PNMA6F: variants seen among roughly 807,000 people sequenced by gnomAD.
PNMA6F encodes the protein PNMA family member 6F.
For missense variants in PNMA6F, 57 were observed against 10.8 expected (o/e 5.25, Z -5.98); for synonymous variants, 14 against 3.4 (o/e 4.15, Z -3.45).
In PNMA6F at chrX:153,319,630, C is replaced by A; in HGVS notation, c.1045G>T (p.Gly349Trp). The A allele has an allele frequency of 3.4e-6, 1 of 298,381 alleles. No homozygotes were observed. The highest frequency in any genetic ancestry group is 4.7e-5 in the East Asian group (1 of 21,074). 24.6% of individuals were successfully genotyped at this position (298,381 alleles called of 1,213,427 possible). A position where few individuals can be genotyped will look rare whatever the true frequency, so the allele number is the denominator to read the frequency against. Residue 349 changes from glycine (G) to tryptophan (W), a missense_variant, in exon 2 of 2, where the codon GGG becomes TGG. By Grantham distance (184) the Gly-to-Trp change is radical (BLOSUM62 -2). Transcript: ENST00000436629. ...AAGGCAAACAGCCCCTCCTGGGGCC[C>A]CTGCGTGCAGGTCAGGAACTTCATC... ...SRMKFLTCTQ[G>W]PQEGLFAFVV...
In PNMA6F at chrX:153,317,939, A is replaced by C. The variant is rs1465171316; in HGVS notation, c.*999T>G. Reference sequence around the variant, plus strand: ...AGGATGGTGGACTCTGGCAGTGTCCACTGGCTTCAGGGAGCCCCCTCCCGA... The same window carrying C: ...AGGATGGTGGACTCTGGCAGTGTCCCCTGGCTTCAGGGAGCCCCCTCCCGA... On this transcript the variant is annotated 3_prime_UTR_variant, in exon 2 of 2. Coordinates refer to ENST00000436629, the MANE Select transcript of PNMA6F (RefSeq NM_001354980.2). 1.8e-5 allele frequency: 2 copies of C among 111,983 alleles called. No individual in the cohort carries two copies. The highest frequency in any genetic ancestry group is 6.7e-5 in the African/African-American group (2 of 29,833). The allele number at this position is 111,983 out of a possible 1,213,427, so 9.2% of individuals were successfully genotyped here.
chrX:153,320,408 G>T lies in PNMA6F; in HGVS notation c.267C>A (p.Ser89=), dbSNP rs2051988297. 3.4e-6 allele frequency: 1 copy of T among 297,188 alleles called. No homozygotes were observed. The highest frequency in any genetic ancestry group is 2.7e-5 in the African/African-American group (1 of 36,542). 24.5% of individuals were successfully genotyped at this position (297,188 alleles called of 1,213,427 possible). A position where few individuals can be genotyped will look rare whatever the true frequency, so the allele number is the denominator to read the frequency against. The change falls in exon 2 of 2, where the codon TCC becomes TCA. Residue 89 remains serine, a synonymous_variant. Transcript: ENST00000436629. The part of the protein sequence containing the change: ...AGKGGPWKVI[S]LPQALDAEFQ... The stretch of plus-strand genomic sequence containing the variant: ...ACTCAGCATCAAGGGCCTGGGGCAG[G>T]GAGATCACTTTCCAGGGTCCCCCTT...
In PNMA6F at chrX:153,320,610, A is replaced by T. The variant is rs2051989489; in HGVS notation, c.65T>A (p.Ile22Asn). ...NAERSLLILD[I>N]PDDCEEHEFQ... is the part of the protein sequence containing the mutation. ...CTCATGTTCCTCGCAGTCGTCAGGG[A>T]TATCCAGGATGAGCAGAGAGCGCTC... Residue 22 changes from isoleucine (I) to asparagine (N), a missense_variant, in exon 2 of 2, where the codon ATC (isoleucine) becomes AAC (asparagine). Transcript: ENST00000436629. The T allele has an allele frequency of 1.4e-5, 4 of 295,563 alleles. No homozygotes were observed. The highest frequency in any genetic ancestry group is 6.1e-5 in the Admixed American group (1 of 16,283). The allele number at this position is 295,563 out of a possible 1,213,427, so 24.4% of individuals were successfully genotyped here.
intron 1 of PNMA6F, 52 bp downstream of exon 1, chrX:153,321,500 A>AC (rs1483489164): frequency 3.0e-5 from 3 of 101,061 alleles, no homozygotes; most frequent in African/African-American, 1.1e-4. Context: ...GCGATCTGGC[A>AC]CCTGCCCAGG....
At chrX:153,320,951 T>C (rs1409422212) in intron 1 of PNMA6F, among the ~76,000 whole-genome samples, 194 bp from the exon 2 acceptor site, 2 of 107,622 alleles carry the variant, frequency 1.9e-5, no homozygotes, top group African/African-American at 6.8e-5. Context: ...ACCACCTCTA[T>C]TGGGAGATCC....
In PNMA6F at chrX:153,321,584, G is replaced by A. The variant is rs1008591890; in HGVS notation, c.-116C>T. On this transcript the variant is annotated 5_prime_UTR_variant, in exon 1 of 2. Coordinates refer to ENST00000436629, the MANE Select transcript of PNMA6F (RefSeq NM_001354980.2). The stretch of plus-strand genomic sequence containing the variant: ...GACTCTGCGGACGCTGCGACCACCC[G>A]CGGAAAAACGCCGCCTTCAAGCTGT... 14 of 106,434 alleles carry A rather than the reference G, an allele frequency of 1.3e-4. No individual in the cohort carries two copies. Among genetic ancestry groups the A allele is most frequent in the Non-Finnish European group, 1.9e-5 (1 of 51,622 alleles). The allele number at this position is 106,434 out of a possible 1,213,427, so 8.8% of individuals were successfully genotyped here. A position where few individuals can be genotyped will look rare whatever the true frequency, so the allele number is the denominator to read the frequency against.
In PNMA6F at chrX:153,320,555, C is replaced by T. The variant is rs1556958853; in HGVS notation, c.120G>A (p.Ser40=). Residue 40 remains serine (S), a synonymous_variant, in exon 2 of 2, where the codon TCG becomes TCA. Transcript: ENST00000436629. ...EFQEAVRAAL[S]PLGRYRVLIK... ...TGAGCACTCGGTACCTGCCCAGGGG[C>T]GACAGGGCAGCCCGCACGGCCTCCT... 10 of 295,468 alleles carry T rather than the reference C, an allele frequency of 3.4e-5. No individual in the cohort carries two copies. Among genetic ancestry groups the T allele is most frequent in the South Asian group, 4.2e-4 (2 of 4,734 alleles). 24.3% of individuals were successfully genotyped at this position (295,468 alleles called of 1,213,427 possible). A position where few individuals can be genotyped will look rare whatever the true frequency, so the allele number is the denominator to read the frequency against.
intron 1 of PNMA6F, 82 bp from the exon 2 acceptor site, chrX:153,320,839 A>C (rs2051991212): frequency 3.6e-6 from 1 of 279,736 alleles, no homozygotes; most frequent in Non-Finnish European, 6.2e-6. Flanking sequence ...TCCCCTCCCA[A>C]GCACTGCAGC....
At position 153,319,305 on chromosome X, in the gene PNMA6F, G is replaced by A. The variant is rs782482538; in HGVS notation, c.1370C>T (p.Ala457Val). ...EDPAAAQASPAQGDASEADPG... is the reference protein window; with the variant it reads ...EDPAAAQASPVQGDASEADPG... The stretch of plus-strand genomic sequence containing the variant: ...ATCAGCCTCGCTGGCGTCCCCCTGG[G>A]CCGGGGAGGCCTGGGCAGCAGCTGG... Residue 457 changes from alanine to valine, a missense_variant, in exon 2 of 2, where the codon GCC becomes GTC. Ala to Val is a moderately conservative substitution (Grantham distance 64). Coordinates refer to ENST00000436629, the MANE Select transcript of PNMA6F (RefSeq NM_001354980.2). 30 of 297,326 alleles carry A rather than the reference G, an allele frequency of 1.0e-4. No homozygotes were observed. The highest frequency in any genetic ancestry group is 8.1e-4 in the African/African-American group (30 of 36,946). 24.5% of individuals were successfully genotyped at this position (297,326 alleles called of 1,213,427 possible). A position where few individuals can be genotyped will look rare whatever the true frequency, so the allele number is the denominator to read the frequency against.
chrX:153,320,291 AGAT>A lies in PNMA6F; in HGVS notation c.381_383del (p.Ser128del). Reference sequence around the variant, plus strand: ...CATTCACACCTCCTGCCTCACCTACAGATCCTGCCTCACCTGCAGCTCCTGCTT... The same window carrying A: ...CATTCACACCTCCTGCCTCACCTACACCTGCCTCACCTGCAGCTCCTGCTT... On this transcript the variant is annotated inframe_deletion, in exon 2 of 2. Transcript: ENST00000436629. 8 of 320,818 alleles carry A rather than the reference AGAT, an allele frequency of 2.5e-5. No individual in the cohort carries two copies. The highest frequency in any genetic ancestry group is 5.7e-5 in the Admixed American group (1 of 17,433). The allele number at this position is 320,818 out of a possible 1,213,427, so 26.4% of individuals were successfully genotyped here.
Position 153,320,720 on chromosome X carries a change from C to G in PNMA6F, c.-46G>C, listed in dbSNP as rs2124190269. The G allele has an allele frequency of 3.4e-6, 1 of 295,781 alleles. No homozygotes were observed. The highest frequency in any genetic ancestry group is 4.8e-5 in the East Asian group (1 of 20,990). 24.4% of individuals were successfully genotyped at this position (295,781 alleles called of 1,213,427 possible). A position where few individuals can be genotyped will look rare whatever the true frequency, so the allele number is the denominator to read the frequency against. ...ACTTGAGGGAGGGAGCCTGATCAGACAGGAATGTGTGCTGACTGTTGCAGT... is the reference window on the plus strand; with the variant it reads ...ACTTGAGGGAGGGAGCCTGATCAGAGAGGAATGTGTGCTGACTGTTGCAGT... On this transcript the variant is annotated 5_prime_UTR_variant, in exon 2 of 2. Coordinates refer to ENST00000436629, the MANE Select transcript of PNMA6F (RefSeq NM_001354980.2).
chrX:153,321,201 T>C (rs971765958), intron 1 of PNMA6F: 3 of 108,080 alleles, frequency 2.8e-5, no homozygotes, highest in Non-Finnish European at 5.8e-5. Flanking sequence ...CCGTCTCTTT[T>C]CCAGCGCCAA....
rs782714466 is a variant in PNMA6F at position 153,319,076 on chromosome X, C to T, written c.1599G>A (p.Glu533=). 6.6e-5 allele frequency: 20 copies of T among 305,095 alleles called. 1 individual carries two copies. In the South Asian group the frequency reaches 3.1e-3, roughly 47 times the overall value. 25.1% of individuals were successfully genotyped at this position (305,095 alleles called of 1,213,427 possible). Residue 533 remains glutamate (E), a synonymous_variant, in exon 2 of 2, where the codon GAG becomes GAA. Coordinates refer to ENST00000436629, the MANE Select transcript of PNMA6F (RefSeq NM_001354980.2). ...MAPGGPSWEP[E]GLVQVGGQEA... is the part of the protein sequence containing the mutation. ...CCTGGCCTCCAACCTGGACAAGGCC[C>T]TCTGGCTCCCAGCTGGGACCTCCTG...
chrX:153,320,840 G>C (rs1186656848), intron 1 of PNMA6F, 83 bp from the exon 2 acceptor site: 1 of 260,283 alleles, frequency 3.8e-6, no homozygotes, highest in Non-Finnish European at 6.4e-6. Context: ...CCCCTCCCAA[G>C]CACTGCAGCA....
rs781985225 is a variant in PNMA6F at position 153,319,684 on chromosome X, T to C, written c.991A>G (p.Arg331Gly). 9 of 297,270 alleles carry C rather than the reference T, an allele frequency of 3.0e-5. No individual in the cohort carries two copies. Among genetic ancestry groups the C allele is most frequent in the South Asian group, 2.0e-4 (1 of 4,960 alleles). The allele number at this position is 297,270 out of a possible 1,213,427, so 24.5% of individuals were successfully genotyped here. Residue 331 changes from arginine to glycine, a missense_variant, in exon 2 of 2, where the codon AGG becomes GGG. By Grantham distance (125) the Arg-to-Gly change is moderately radical. Transcript: ENST00000436629. ...GAGGTCATCCATGTATCCCGGCTCC[T>C]AAACACCTGCCCCAGCGCCGTCAGG... ...DCLTALGQVF[R>G]SRDTWMTSRM...
chrX:153,319,291 T>G lies in PNMA6F; in HGVS notation c.1384A>C (p.Ser462Arg). ...AQASPAQGDA[S>R]EADPGAEDAD... ...TCTTCTGCTCCGGGATCAGCCTCGC[T>G]GGCGTCCCCCTGGGCCGGGGAGGCC... is the stretch of plus-strand genomic sequence containing the variant. Residue 462 changes from serine to arginine, a missense_variant, in exon 2 of 2, where the codon AGC becomes CGC. Physicochemically the swap from Ser to Arg is moderately radical, Grantham distance 110 (BLOSUM62 -1). Transcript: ENST00000436629. 3.4e-6 allele frequency: 1 copy of G among 298,435 alleles called. No individual in the cohort carries two copies. Among genetic ancestry groups the G allele is most frequent in the East Asian group, 4.7e-5 (1 of 21,065 alleles). 24.6% of individuals were successfully genotyped at this position (298,435 alleles called of 1,213,427 possible). A position where few individuals can be genotyped will look rare whatever the true frequency, so the allele number is the denominator to read the frequency against.
In PNMA6F at chrX:153,319,422, C is replaced by T. The variant is rs1216383407; in HGVS notation, c.1253G>A (p.Arg418Gln). ...RRPPDFLRLL[R>Q]LIRDMEAWAA... ...CCACGCCTCCATGTCCCGGATGAGC[C>T]GCAGCAGCCTCAGGAAGTCAGGTGG... The change falls in exon 2 of 2, where the codon CGG becomes CAG. Residue 418 changes from arginine to glutamine, a missense_variant. Arg to Gln is a conservative substitution (Grantham distance 43). Transcript: ENST00000436629. 6.7e-6 allele frequency: 2 copies of T among 297,133 alleles called. No homozygotes were observed. Among genetic ancestry groups the T allele is most frequent in the East Asian group, 4.8e-5 (1 of 20,994 alleles). 24.5% of individuals were successfully genotyped at this position (297,133 alleles called of 1,213,427 possible).
chrX:153,319,718 C>T lies in PNMA6F; in HGVS notation c.957G>A (p.Ala319=), dbSNP rs1484811573. Residue 319 remains alanine (A), a synonymous_variant, in exon 2 of 2, where the codon GCG becomes GCA. Coordinates refer to ENST00000436629, the MANE Select transcript of PNMA6F (RefSeq NM_001354980.2). ...GLLEEDPDFS[A]QDCLTALGQV... is the part of the protein sequence containing the mutation. ...GCCCCAGCGCCGTCAGGCAGTCCTGCGCAGAGAAGTCTGGATCTTCCTCCA... is the reference window on the plus strand; with the variant it reads ...GCCCCAGCGCCGTCAGGCAGTCCTGTGCAGAGAAGTCTGGATCTTCCTCCA... The T allele has an allele frequency of 1.3e-5, 4 of 298,119 alleles. No individual in the cohort carries two copies. Among genetic ancestry groups the T allele is most frequent in the Admixed American group, 1.2e-4 (2 of 16,554 alleles). 24.6% of individuals were successfully genotyped at this position (298,119 alleles called of 1,213,427 possible).
Position 153,319,117 on chromosome X carries a change from C to G in PNMA6F, c.1558G>C (p.Ala520Pro). ...GGACCTCCTGGGGCCATGTCGACTG[C>G]ACTGCCCATCCTGGCTGGGAGGCCC... ...PGGLPARMGS[A>P]VDMAPGGPSW... is the part of the protein sequence containing the mutation. Residue 520 changes from alanine (A) to proline (P), a missense_variant, in exon 2 of 2, where the codon GCA (alanine) becomes CCA (proline). Coordinates refer to ENST00000436629, the MANE Select transcript of PNMA6F (RefSeq NM_001354980.2). The G allele has an allele frequency of 3.3e-6, 1 of 299,712 alleles. No individual in the cohort carries two copies. The highest frequency in any genetic ancestry group is 5.8e-6 in the Non-Finnish European group (1 of 171,488). 24.7% of individuals were successfully genotyped at this position (299,712 alleles called of 1,213,427 possible).
Sources: allele counts gnomAD v4.1 joint callset (sites outside exome capture counted in the v4.1 genomes callset), GRCh38; gene constraint gnomAD v4.1.1; transcripts MANE v1.5; gene names NCBI Gene and HGNC (gene_info 2026-07-23, HGNC 2026-07-21).